Variants in DHX57 observed in about 807,000 individuals in gnomAD.
The protein encoded by DHX57 is putative ATP-dependent RNA helicase DHX57.
In DHX57, 105 loss-of-function variants were observed where a neutral mutation model predicts 156.2. The observed-to-expected ratio is 0.67, with a 90% confidence interval of 0.57 to 0.79. The LOEUF (loss-of-function observed/expected upper bound fraction) is 0.79, where lower values mean the gene tolerates loss of function less well. DHX57 is among the 30% of genes least tolerant of loss of function. DHX57 has a pLI of 0.00. For missense variants in DHX57, 1,847 were observed against 1,661.9 expected, an observed-to-expected ratio of 1.11 and a Z score of -1.94; for synonymous variants, 704 against 595.6, an observed-to-expected ratio of 1.18 and a Z score of -2.65.
At chr2:38,873,890 G>A (rs1001417309) in intron 1 of DHX57, among the ~76,000 whole-genome samples, 4 of 152,086 alleles carry the variant, frequency 2.6e-5, no homozygotes, top group South Asian at 2.1e-4. Flanking sequence ...AGATTTTAAA[G>A]GACATCCGGA....
intron 13 of DHX57, among the ~76,000 whole-genome samples, chr2:38,833,876 T>TG (rs1671510975): frequency 6.6e-6 from 1 of 152,108 alleles, no homozygotes; most frequent in African/African-American, 2.4e-5. Context: ...CATGAATGCA[T>TG]AAGACATATA....
chr2:38,819,185 T>C, intron 17 of DHX57, 41 bp from the exon 18 acceptor site: 1 of 1,598,758 alleles, frequency 6.3e-7, no homozygotes, highest in South Asian at 1.1e-5. Context: ...AACACTTTTT[T>C]TTTTTCAAAG....
chr2:38,809,423 A>G (rs1009062563), intron 21 of DHX57, among the ~76,000 whole-genome samples: 1 of 151,434 alleles, frequency 6.6e-6, no homozygotes, highest in African/African-American at 2.4e-5. Context: ...CAGTTTTGCC[A>G]ATTTAAAAAG....
rs114128005 is a variant in DHX57, at chr2:38,857,438, A to G, written c.1588-977T>C. The stretch of plus-strand genomic sequence containing the variant: ...TGTAATAAATTTACAGGAACTTGCT[A>G]TTTCCTACATATAATTTTATCATAA... On this transcript the variant is annotated intron_variant, in intron 6 of 23. Coordinates refer to ENST00000457308, the MANE Select transcript of DHX57 (RefSeq NM_198963.3). Among the ~76,000 whole-genome samples, 956 of 152,316 alleles carry G rather than the reference A, an allele frequency of 6.3e-3. 11 individuals carry two copies. Among genetic ancestry groups the G allele is most frequent in the African/African-American group, 0.022 (899 of 41,574 alleles).
chr2:38,839,488 G>C (rs905801543), intron 12 of DHX57, among the ~76,000 whole-genome samples: 1 of 151,116 alleles, frequency 6.6e-6, no homozygotes, highest in African/African-American at 2.4e-5. Flanking sequence ...GAGATGGGTG[G>C]ATCACCTGAG....
intron 4 of DHX57, 96 bp downstream of exon 4, chr2:38,862,049 C>T (rs1369333407): frequency 7.2e-7 from 1 of 1,398,482 alleles, no homozygotes; most frequent in Non-Finnish European, 9.6e-7. Context: ...CTGGAACCCA[C>T]ATAATAGGAA....
chr2:38,871,993 C>G (rs1311367386), intron 1 of DHX57, among the ~76,000 whole-genome samples: 1 of 152,144 alleles, frequency 6.6e-6, no homozygotes, highest in Non-Finnish European at 1.5e-5. Context: ...CAGGCGTGAG[C>G]CACCGCGCCC....
chr2:38,830,720 G>A (rs755136591), intron 13 of DHX57, among the ~76,000 whole-genome samples: 1 of 151,862 alleles, frequency 6.6e-6, no homozygotes, highest in Admixed American at 6.6e-5. Flanking sequence ...CATGGAGCTT[G>A]GACACAAACC....
chr2:38,825,801 A>C lies in DHX57; in HGVS notation c.3014+46T>G, dbSNP rs539371415. Reference sequence around the variant, plus strand: ...AAACATGGAACTTAATAGAGTGAGAAACATTTAGACCTTTTGGAAGCAAAA... The same window carrying C: ...AAACATGGAACTTAATAGAGTGAGACACATTTAGACCTTTTGGAAGCAAAA... On this transcript the variant is annotated intron_variant, in intron 16 of 23. Coordinates refer to ENST00000457308, the MANE Select transcript of DHX57 (RefSeq NM_198963.3). 2.0e-5 allele frequency: 32 copies of C among 1,591,424 alleles called. No homozygotes were observed. In the South Asian group the frequency reaches 3.4e-4, roughly 17 times the overall value.
intron 19 of DHX57, chr2:38,816,239 G>A: frequency 2.1e-6 from 1 of 465,930 alleles, no homozygotes; most frequent in Non-Finnish European, 4.4e-6. Context: ...TTTTGAGACA[G>A]AGTCTTGCTC....
At chr2:38,862,822 G>C (rs1038827307) in intron 3 of DHX57, 6 of 153,964 alleles carry the variant, frequency 3.9e-5, no homozygotes, top group Non-Finnish European at 5.8e-5. Flanking sequence ...AAACAGATAA[G>C]AGATTTGTAG....
intron 9 of DHX57, chr2:38,853,738 A>AT (rs1672734565): frequency 6.1e-6 from 1 of 165,150 alleles, no homozygotes; most frequent in Non-Finnish European, 1.3e-5. Context: ...AGATACATTC[A>AT]GCCACAGCAT....
rs748717276 is a variant in DHX57, at chr2:38,858,775, T to C, written c.1473A>G (p.Val491=). The part of the protein sequence containing the change: ...DEDDGPAPVI[V]ENESYVNLKK... ...TAAGGTTCACATAGCTTTCATTCTC[T>C]ACTATAACAGGTGCAGGACCGTCAT... The change falls in exon 6 of 24, where the codon GTA becomes GTG. Residue 491 remains valine (V), a synonymous_variant. Transcript: ENST00000457308. The C allele has an allele frequency of 4.3e-6, 7 of 1,614,136 alleles. No homozygotes were observed. The highest frequency in any genetic ancestry group is 5.9e-6 in the Non-Finnish European group (7 of 1,180,020).
At chr2:38,808,683 C>G (rs1275640494) in intron 21 of DHX57, among the ~76,000 whole-genome samples, 1 of 152,240 alleles carries the variant, frequency 6.6e-6, no homozygotes. Flanking sequence ...GGGGTATAAA[C>G]TTATATTCCC....
intron 17 of DHX57, among the ~76,000 whole-genome samples, chr2:38,822,614 C>T (rs577261166): frequency 4.7e-4 from 72 of 152,084 alleles, no homozygotes; most frequent in African/African-American, 1.7e-3. Flanking sequence ...AAGCTGGTCT[C>T]GAACTCCTGA....
At chr2:38,824,779 C>T (rs1671009128) in intron 16 of DHX57, among the ~76,000 whole-genome samples, 1 of 152,146 alleles carries the variant, frequency 6.6e-6, no homozygotes, top group African/African-American at 2.4e-5. Flanking sequence ...TCCTAAGAAA[C>T]TGGGATTACA....
chr2:38,829,804 C>T (rs1312680497), intron 13 of DHX57, among the ~76,000 whole-genome samples: 1 of 152,114 alleles, frequency 6.6e-6, no homozygotes, highest in Admixed American at 6.6e-5. Context: ...AATCCATAAA[C>T]ATTTTACTGG....
chr2:38,863,662 C>T (rs1269042851), intron 2 of DHX57, 143 bp from the exon 3 acceptor site: 15 of 780,934 alleles, frequency 1.9e-5, no homozygotes, highest in Admixed American at 5.7e-5. Context: ...AGGAGATTCT[C>T]CATTTTCTAT....
intron 13 of DHX57, among the ~76,000 whole-genome samples, chr2:38,833,697 C>G (rs771894722): frequency 6.6e-6 from 1 of 152,100 alleles, no homozygotes; most frequent in Non-Finnish European, 1.5e-5. Context: ...AATAAGTGTT[C>G]AGTTGATCCT....
Sources: gnomAD v4.1 joint callset for allele counts (sites outside exome capture counted in the v4.1 genomes callset) on GRCh38, gnomAD v4.1.1 for gene constraint, MANE v1.5 for transcripts, NCBI Gene and HGNC (gene_info 2026-07-23, HGNC 2026-07-21) for gene names.